The following SDK1 variants were observed in gnomAD, a reference collection of about 807,000 sequenced individuals.
SDK1 encodes sidekick cell adhesion molecule 1.
A neutral mutation model predicts 245.5 loss-of-function variants in SDK1; 157 were observed. The ratio of observed to expected loss-of-function variants is 0.64; its 90% confidence interval spans 0.56 to 0.73. SDK1 has a LOEUF of 0.73. SDK1 is among the 30% of genes least tolerant of loss of function. SDK1 has a pLI of 0.00. For synonymous variants in SDK1, 1,647 were observed against 1,278.5 expected (o/e 1.29, Z -6.15); for missense variants, 3,583 against 3,002.3 (o/e 1.19, Z -4.52).
Position 3,520,290 on chromosome 7 carries a change from G to A in SDK1, c.299-98790G>A, listed in dbSNP as rs546202676. 4.6e-5 allele frequency among the ~76,000 whole-genome samples: 7 copies of A among 152,202 alleles called. No individual in the cohort carries two copies. In the South Asian group the frequency reaches 1.0e-3, roughly 23 times the overall value. On this transcript the variant is annotated intron_variant, in intron 1 of 44. Coordinates refer to ENST00000404826, the MANE Select transcript of SDK1 (RefSeq NM_152744.4). ...TAGAGCTGCTGGATAAATTCTGTCC[G>A]GTTTCAATGATTTATCTATATTTAG...
intron 29 of SDK1, among the ~76,000 whole-genome samples, chr7:4,148,377 A>G (rs756920045): frequency 1.1e-4 from 17 of 152,230 alleles, no homozygotes; most frequent in Non-Finnish European, 1.8e-4. Context: ...GATGGGGTGC[A>G]GAGGCACAGC....
chr7:3,557,379 C>T (rs1157941701), intron 1 of SDK1, among the ~76,000 whole-genome samples: 4 of 152,088 alleles, frequency 2.6e-5, no homozygotes, highest in Non-Finnish European at 4.4e-5. Context: ...TAATACTCAA[C>T]CAGGATGAAA....
chr7:3,466,058 A>C (rs976257115), intron 1 of SDK1, among the ~76,000 whole-genome samples: 1 of 151,884 alleles, frequency 6.6e-6, no homozygotes, highest in Non-Finnish European at 1.5e-5. Flanking sequence ...CAGATGGGCA[A>C]CTCAGCTAGG....
At chr7:3,808,516 G>C (rs1468878186) in intron 4 of SDK1, among the ~76,000 whole-genome samples, 3 of 152,170 alleles carry the variant, frequency 2.0e-5, no homozygotes, top group Non-Finnish European at 2.9e-5. Flanking sequence ...ATAATGCAAG[G>C]CCTCAATCCC....
intron 14 of SDK1, among the ~76,000 whole-genome samples, chr7:4,000,254 G>C (rs1357075716): frequency 6.6e-6 from 1 of 152,186 alleles, no homozygotes; most frequent in Non-Finnish European, 1.5e-5. Flanking sequence ...ATGATGTTCT[G>C]GGGTTCAGGT....
chr7:3,559,789 G>A (rs1054208366), intron 1 of SDK1, among the ~76,000 whole-genome samples: 5 of 150,500 alleles, frequency 3.3e-5, no homozygotes, highest in African/African-American at 4.9e-5. Context: ...AAATCTAAAC[G>A]GAAACAAGCA....
intron 5 of SDK1, among the ~76,000 whole-genome samples, chr7:3,919,637 C>T (rs968298549): frequency 7.2e-5 from 11 of 152,246 alleles, no homozygotes; most frequent in South Asian, 2.1e-4. Flanking sequence ...AATGGAGCAC[C>T]GGCTCTTAGA....
chr7:3,971,527 G>A lies in SDK1; in HGVS notation c.1776G>A (p.Thr592=), dbSNP rs758616966. 2.4e-5 allele frequency: 39 copies of A among 1,613,592 alleles called. No homozygotes were observed. The highest frequency in any genetic ancestry group is 3.3e-5 in the Admixed American group (2 of 59,956). Residue 592 remains threonine (T), a synonymous_variant, in exon 12 of 45, where the codon ACG becomes ACA. Transcript: ENST00000404826. ...TGGTGATTAAGGGGACCACGGCCAC[G>A]CTGCACTGTGGTGCCACACATGACC... The part of the protein sequence containing the change: ...DHVVIKGTTA[T]LHCGATHDPR...
At chr7:3,793,000 C>G (rs913164559) in intron 4 of SDK1, among the ~76,000 whole-genome samples, 7 of 152,142 alleles carry the variant, frequency 4.6e-5, no homozygotes, top group African/African-American at 1.4e-4. Flanking sequence ...GGAAAAGATT[C>G]ATTTCACAAT....
intron 13 of SDK1, among the ~76,000 whole-genome samples, chr7:3,979,935 C>A (rs961842538): frequency 3.9e-5 from 6 of 152,106 alleles, no homozygotes; most frequent in African/African-American, 1.4e-4. Context: ...CAGAGAAAAC[C>A]CAATTTACAG....
intron 1 of SDK1, among the ~76,000 whole-genome samples, chr7:3,482,776 T>TACTGAAGGCA (rs1490111539): frequency 6.6e-6 from 1 of 152,186 alleles, no homozygotes; most frequent in Admixed American, 6.5e-5. Context: ...TTCAAGGCAT[T>TACTGAAGGCA]ACTGAAGGCA....
intron 1 of SDK1, among the ~76,000 whole-genome samples, chr7:3,509,422 G>C (rs532250719): frequency 4.6e-5 from 7 of 152,100 alleles, no homozygotes; most frequent in Non-Finnish European, 5.9e-5. Flanking sequence ...TGTAAGACAG[G>C]GTAATGATAA....
intron 5 of SDK1, among the ~76,000 whole-genome samples, chr7:3,861,637 C>G (rs1460660879): frequency 2.0e-5 from 3 of 152,046 alleles, no homozygotes; most frequent in African/African-American, 7.2e-5. Context: ...CATTCAAAAC[C>G]TTATTTGGGG....
chr7:3,805,206 G>T (rs898681216), intron 4 of SDK1, among the ~76,000 whole-genome samples: 1 of 152,130 alleles, frequency 6.6e-6, no homozygotes, highest in Non-Finnish European at 1.5e-5. Context: ...GTTGTTTTTT[G>T]TATGTGTATC....
At chr7:3,679,761 G>A (rs1331853924) in intron 4 of SDK1, among the ~76,000 whole-genome samples, 1 of 152,112 alleles carries the variant, frequency 6.6e-6, no homozygotes, top group Non-Finnish European at 1.5e-5. Flanking sequence ...CATCAAATAC[G>A]TCGAGATGTA....
chr7:4,235,315 C>T (rs527675059), intron 41 of SDK1, among the ~76,000 whole-genome samples: 42 of 152,274 alleles, frequency 2.8e-4, no homozygotes, highest in African/African-American at 8.2e-4. Context: ...AAGCATGTGC[C>T]ACCACGCCCG....
intron 17 of SDK1, among the ~76,000 whole-genome samples, chr7:4,035,250 G>T (rs1301759889): frequency 6.6e-6 from 1 of 152,128 alleles, no homozygotes; most frequent in Non-Finnish European, 1.5e-5. Context: ...CTCTCAAAGT[G>T]CTGGGATTAC....
At chr7:3,930,845 T>A in intron 5 of SDK1, among the ~76,000 whole-genome samples, 1 of 151,726 alleles carries the variant, frequency 6.6e-6, no homozygotes, top group South Asian at 2.1e-4. Context: ...AAAATAAGAG[T>A]TGTACTAGGT....
intron 2 of SDK1, among the ~76,000 whole-genome samples, chr7:3,620,258 A>C (rs1390311554): frequency 6.6e-6 from 1 of 151,624 alleles, no homozygotes; most frequent in Non-Finnish European, 1.5e-5. Flanking sequence ...GTGTGTTTGT[A>C]TTTTAAAAAT....
Sources: allele counts gnomAD v4.1 joint callset (sites outside exome capture counted in the v4.1 genomes callset), GRCh38; gene constraint gnomAD v4.1.1; transcripts MANE v1.5; gene names NCBI Gene and HGNC (gene_info 2026-07-23, HGNC 2026-07-21).